FMNL2: variants seen among roughly 807,000 people sequenced by gnomAD.
FMNL2 encodes formin-like protein 2.
In FMNL2, 51 loss-of-function variants were observed where a neutral mutation model predicts 130.2. The observed-to-expected ratio is 0.39, with a 90% CI of 0.31 to 0.49. The LOEUF (loss-of-function observed/expected upper bound fraction) is 0.49. Among genes scored for constraint, FMNL2 ranks in the 20% least tolerant of loss-of-function variants. The probability of loss-of-function intolerance (pLI) is 0.85; values close to 1 mark genes in which losing one functional copy is unlikely to be tolerated. For synonymous variants in FMNL2, 465 were observed against 467.1 expected, an observed-to-expected ratio of 1.00 and a Z score of 0.06; for missense variants, 977 against 1,316.2, an observed-to-expected ratio of 0.74 and a Z score of 3.99.
intron 1 of FMNL2, among the ~76,000 whole-genome samples, chr2:152,353,720 A>T (rs554741585): frequency 6.6e-6 from 1 of 152,218 alleles, no homozygotes; most frequent in Non-Finnish European, 1.5e-5. Context: ...AAGTTGTGGC[A>T]GTCAGGTAAG....
intron 4 of FMNL2, among the ~76,000 whole-genome samples, chr2:152,551,670 G>A (rs1694941945): frequency 6.6e-6 from 1 of 152,184 alleles, no homozygotes; most frequent in Non-Finnish European, 1.5e-5. Context: ...GGAATGCAAG[G>A]TGCTATTTAA....
At chr2:152,335,815 G>C in intron 1 of FMNL2, 95 bp downstream of exon 1, 1 of 866,892 alleles carries the variant, frequency 1.2e-6, no homozygotes, top group Non-Finnish European at 1.6e-6. Flanking sequence ...CGTGCCGGGA[G>C]CGAGCCTCCA....
intron 1 of FMNL2, among the ~76,000 whole-genome samples, chr2:152,460,843 A>T (rs1579719283): frequency 6.6e-6 from 1 of 152,332 alleles, no homozygotes; most frequent in East Asian, 1.9e-4. Flanking sequence ...TAGTTGCAGG[A>T]ACACAAGCTC....
intron 2 of FMNL2, among the ~76,000 whole-genome samples, chr2:152,525,723 G>C (rs1203988806): frequency 6.6e-6 from 1 of 152,152 alleles, no homozygotes; most frequent in African/African-American, 2.4e-5. Flanking sequence ...AGCGTTTCAG[G>C]GAGGTCAGAC....
intron 2 of FMNL2, among the ~76,000 whole-genome samples, chr2:152,534,440 G>A (rs1410690513): frequency 6.6e-6 from 1 of 152,106 alleles, no homozygotes; most frequent in Non-Finnish European, 1.5e-5. Flanking sequence ...TAATTTAACT[G>A]TAGTCAGAAA....
intron 2 of FMNL2, among the ~76,000 whole-genome samples, chr2:152,527,985 T>C (rs73004307): frequency 0.014 from 2,158 of 152,228 alleles, 47 homozygotes; most frequent in African/African-American, 0.05. Context: ...TGCTTCTCAG[T>C]GTAAGTTTCT....
chr2:152,534,432 A>G (rs1290533899), intron 2 of FMNL2, among the ~76,000 whole-genome samples: 1 of 152,204 alleles, frequency 6.6e-6, no homozygotes, highest in Non-Finnish European at 1.5e-5. Flanking sequence ...AAGCCAATTA[A>G]TTTAACTGTA....
At chr2:152,619,373 C>T in intron 14 of FMNL2, 136 bp from the exon 15 acceptor site, 6 of 1,403,270 alleles carry the variant, frequency 4.3e-6, no homozygotes, top group Non-Finnish European at 5.7e-6. Flanking sequence ...TCAATGAGGA[C>T]ATTTTTTGGT....
At chr2:152,549,926 A>G (rs1271056521) in intron 4 of FMNL2, among the ~76,000 whole-genome samples, 1 of 152,146 alleles carries the variant, frequency 6.6e-6, no homozygotes, top group Admixed American at 6.5e-5. Context: ...CGACTTTTAG[A>G]TCTTTTAGAA....
chr2:152,568,593 G>T (rs1056600980), intron 6 of FMNL2, among the ~76,000 whole-genome samples: 5 of 152,160 alleles, frequency 3.3e-5, no homozygotes, highest in African/African-American at 9.7e-5. Flanking sequence ...AAGGAAAGAG[G>T]TTTAATTGAC....
At chr2:152,362,222 T>C (rs10210776) in intron 1 of FMNL2, among the ~76,000 whole-genome samples, 150,537 of 152,178 alleles carry the variant, frequency 0.99, 74,483 homozygotes, top group Middle Eastern at 1. Flanking sequence ...TCGGGATGGT[T>C]GCACACTTGT....
intron 9 of FMNL2, among the ~76,000 whole-genome samples, chr2:152,590,563 G>A (rs1453694214): frequency 6.6e-6 from 1 of 151,814 alleles, no homozygotes; most frequent in East Asian, 1.9e-4. Flanking sequence ...GCAGTGAGTC[G>A]AGATCGCACC....
At chr2:152,339,501 CCCTTGGATG>C (rs1450498295) in intron 1 of FMNL2, among the ~76,000 whole-genome samples, 1 of 152,168 alleles carries the variant, frequency 6.6e-6, no homozygotes, top group Non-Finnish European at 1.5e-5. Flanking sequence ...AAAAGGCACA[CCCTTGGATG>C]CCTTTGTTGA....
At chr2:152,522,449 T>C (rs369906993) in intron 2 of FMNL2, among the ~76,000 whole-genome samples, 1 of 152,192 alleles carries the variant, frequency 6.6e-6, no homozygotes, top group East Asian at 1.9e-4. Context: ...CCTTAAAAGA[T>C]TCAGAGAAAG....
chr2:152,607,310 C>T, intron 9 of FMNL2, 29 bp from the exon 10 acceptor site: 2 of 1,596,538 alleles, frequency 1.3e-6, no homozygotes, highest in Non-Finnish European at 1.7e-6. Flanking sequence ...TTTAGAAAGT[C>T]ACATGCACAA....
At chr2:152,339,173 C>G (rs575083190) in intron 1 of FMNL2, among the ~76,000 whole-genome samples, 1 of 149,294 alleles carries the variant, frequency 6.7e-6, no homozygotes, top group South Asian at 2.2e-4. Context: ...TTTCTTAAAA[C>G]ATTATGAGAT....
chr2:152,497,366 A>G (rs1054182011), intron 1 of FMNL2, among the ~76,000 whole-genome samples: 104 of 152,162 alleles, frequency 6.8e-4, no homozygotes, highest in Non-Finnish European at 1.3e-3. Context: ...AAAGTTATTT[A>G]GGTTCTTCTC....
intron 3 of FMNL2, among the ~76,000 whole-genome samples, chr2:152,548,765 G>A (rs1694782890): frequency 6.6e-6 from 1 of 152,132 alleles, no homozygotes; most frequent in South Asian, 2.1e-4. Flanking sequence ...GGTGAATACT[G>A]TTGTGTGTGT....
At chr2:152,361,590 G>A (rs1233148782) in intron 1 of FMNL2, among the ~76,000 whole-genome samples, 2 of 152,228 alleles carry the variant, frequency 1.3e-5, no homozygotes, top group Non-Finnish European at 2.9e-5. Flanking sequence ...ACACAAGATA[G>A]CATCATTCTC....
Sources: gnomAD v4.1 joint callset for allele counts (sites outside exome capture counted in the v4.1 genomes callset) on GRCh38, gnomAD v4.1.1 for gene constraint, MANE v1.5 for transcripts, NCBI Gene and HGNC (gene_info 2026-07-23, HGNC 2026-07-21) for gene names.